SP140: variants seen among roughly 807,000 people sequenced by gnomAD.
The protein encoded by SP140 is nuclear body protein SP140.
Under a neutral mutation model 125.0 loss-of-function variants are expected in SP140, and 81 were observed. The ratio of observed to expected loss-of-function variants is 0.65; its 90% CI spans 0.54 to 0.78. The LOEUF is 0.78. Ranked by LOEUF, SP140 falls within the 30% of genes least tolerant of loss-of-function variation. The pLI is 0.00. For synonymous variants in SP140, 312 were observed against 354.0 expected (o/e 0.88, Z 1.33); for missense variants, 858 against 1,037.0 (o/e 0.83, Z 2.37).
intron 9 of SP140, among the ~76,000 whole-genome samples, chr2:230,250,538 G>A (rs955502089): frequency 1.3e-5 from 2 of 152,066 alleles, no homozygotes; most frequent in Non-Finnish European, 2.9e-5. Flanking sequence ...TGCCTTTCCT[G>A]ATGCCCAGTA....
chr2:230,275,732 T>C (rs1161917810), intron 15 of SP140, among the ~76,000 whole-genome samples: 9 of 152,326 alleles, frequency 5.9e-5, no homozygotes, highest in Admixed American at 3.3e-4. Flanking sequence ...TAGGAAGCCA[T>C]GTCAAAAGCT....
intron 20 of SP140, among the ~76,000 whole-genome samples, chr2:230,293,915 A>G (rs1440650969): frequency 6.6e-6 from 1 of 152,228 alleles, no homozygotes; most frequent in Non-Finnish European, 1.5e-5. Context: ...ACCCAGTAGC[A>G]GGCAATGTGT....
chr2:230,309,192 G>C (rs2059099954), intron 22 of SP140, among the ~76,000 whole-genome samples: 1 of 152,206 alleles, frequency 6.6e-6, no homozygotes, highest in African/African-American at 2.4e-5. Flanking sequence ...TATGGGCCCA[G>C]GAAATGAGGT....
intron 3 of SP140, 81 bp from the exon 4 acceptor site, chr2:230,241,323 C>A: frequency 1.2e-6 from 1 of 863,790 alleles, no homozygotes; most frequent in Non-Finnish European, 2.0e-6. Flanking sequence ...GGGGCTTGGA[C>A]ATCAAGTTCA....
intron 3 of SP140, chr2:230,215,226 G>C (rs1310571772): frequency 4.6e-6 from 4 of 875,862 alleles, no homozygotes; most frequent in Non-Finnish European, 7.3e-6. Context: ...CTTTTAAGAA[G>C]AAATTCAACA....
At chr2:230,229,626 C>A (rs910054243) in intron 1 of SP140, among the ~76,000 whole-genome samples, 1 of 151,500 alleles carries the variant, frequency 6.6e-6, no homozygotes, top group Non-Finnish European at 1.5e-5. Context: ...CACCACCACG[C>A]CTGGCTAATT....
intron 12 of SP140, among the ~76,000 whole-genome samples, chr2:230,262,545 G>T (rs2052438897): frequency 6.6e-6 from 1 of 152,020 alleles, no homozygotes; most frequent in African/African-American, 2.4e-5. Context: ...ACCTTAGATT[G>T]TCAGTTTGTG....
At chr2:230,311,650 C>A (rs2059341101) in intron 26 of SP140, 55 bp downstream of exon 26, 1 of 1,594,566 alleles carries the variant, frequency 6.3e-7, no homozygotes, top group East Asian at 2.2e-5. Flanking sequence ...CCCTCATTTT[C>A]TGGTGCCAAG....
At chr2:230,240,448 G>C (rs1037499683) in intron 3 of SP140, among the ~76,000 whole-genome samples, 2 of 152,234 alleles carry the variant, frequency 1.3e-5, no homozygotes, top group South Asian at 4.1e-4. Context: ...AAAATATGAA[G>C]AACTCCTATA....
chr2:230,239,607 C>T (rs1003159560), intron 3 of SP140, among the ~76,000 whole-genome samples: 3 of 152,152 alleles, frequency 2.0e-5, no homozygotes, highest in African/African-American at 7.2e-5. Flanking sequence ...CCACCACACC[C>T]GGTTAATTCT....
Position 230,282,632 on chromosome 2 carries a change from T to TAC in SP140, c.1499-1703_1499-1702dup, listed in dbSNP as rs141745921. ...GGACAACATAGTGAGACCCCGTATC[T>TAC]ACACACACACACGTACCCACACACA... On this transcript the variant is annotated intron_variant, in intron 15 of 26. Transcript: ENST00000392045. Among the ~76,000 whole-genome samples the TAC allele has an allele frequency of 1.2e-3, 179 of 152,104 alleles. 1 individual carries two copies. The highest frequency in any genetic ancestry group is 4.0e-3 in the African/African-American group (166 of 41,522).
chr2:230,312,454 A>G (rs2059403955), intron 26 of SP140, 132 bp from the exon 27 acceptor site: 4 of 584,284 alleles, frequency 6.8e-6, no homozygotes, highest in South Asian at 6.5e-5. Flanking sequence ...ACTCCAAAAT[A>G]TATGCCATTA....
intron 12 of SP140, among the ~76,000 whole-genome samples, chr2:230,264,188 C>G (rs954428742): frequency 6.6e-6 from 1 of 151,982 alleles, no homozygotes; most frequent in African/African-American, 2.4e-5. Flanking sequence ...TTTACTTTAT[C>G]TTTGTTGGAT....
In SP140 at chr2:230,253,432, C is replaced by T; in HGVS notation, c.1159+15C>T. On this transcript the variant is annotated intron_variant, in intron 11 of 26. Coordinates refer to ENST00000392045, the MANE Select transcript of SP140 (RefSeq NM_007237.5). The stretch of plus-strand genomic sequence containing the variant: ...TGAAGGAGAAGGTAATTATGATGTA[C>T]ATTTTTAGGTATTTGAGTACATCTT... 6.4e-7 allele frequency: 1 copy of T among 1,560,930 alleles called. No homozygotes were observed. Among genetic ancestry groups the T allele is most frequent in the Non-Finnish European group, 8.8e-7 (1 of 1,131,866 alleles).
rs1005666794 is a variant in SP140, at chr2:230,204,605, A to AT, written c.-323+1335dup. On this transcript the variant is annotated intron_variant, in intron 1 of 4. Coordinates refer to the SP140 transcript ENST00000456542. ...GGTTACAGAAAGTATGGTTTCTTTC[A>AT]TTTTTTTTTCATTAAAAAAAAATTA... Among the ~76,000 whole-genome samples the AT allele has an allele frequency of 3.6e-4, 54 of 150,290 alleles. 1 individual carries two copies. Among genetic ancestry groups the AT allele is most frequent in the Middle Eastern group, 3.4e-3 (1 of 292 alleles).
At chr2:230,212,569 G>C in intron 1 of SP140, 1 of 1,038,104 alleles carries the variant, frequency 9.6e-7, no homozygotes, top group East Asian at 2.4e-5. Context: ...TGGGAAGCAG[G>C]TGTTCTGGAC....
intron 1 of SP140, among the ~76,000 whole-genome samples, chr2:230,234,214 C>T (rs1042183225): frequency 6.6e-6 from 1 of 152,212 alleles, no homozygotes; most frequent in Non-Finnish European, 1.5e-5. Flanking sequence ...CAGCCCTCTG[C>T]ACAGAGGACC....
chr2:230,307,693 G>A (rs930867269), intron 22 of SP140, among the ~76,000 whole-genome samples: 2 of 151,998 alleles, frequency 1.3e-5, no homozygotes, highest in Admixed American at 1.3e-4. Flanking sequence ...TTGCTCACAC[G>A]CCTCTCCCAC....
chr2:230,251,938 G>A (rs986652282), intron 10 of SP140, among the ~76,000 whole-genome samples: 19 of 152,086 alleles, frequency 1.2e-4, no homozygotes, highest in Admixed American at 9.8e-4. Flanking sequence ...CCAGTGTCCT[G>A]GATGACTCCT....
Sources: gnomAD v4.1 joint callset for allele counts (sites outside exome capture counted in the v4.1 genomes callset) on GRCh38, gnomAD v4.1.1 for gene constraint, MANE v1.5 for transcripts, NCBI Gene and HGNC (gene_info 2026-07-23, HGNC 2026-07-21) for gene names.